The following RGS6 variants were observed in gnomAD, a reference collection of about 807,000 sequenced individuals.
The protein encoded by RGS6 is regulator of G protein signaling 6.
A neutral mutation model predicts 78.5 loss-of-function variants in RGS6; 30 were observed. That is an observed-to-expected ratio of 0.38 (90% confidence interval 0.29 to 0.52). The LOEUF (loss-of-function observed/expected upper bound fraction) is 0.52. RGS6 is among the 20% of genes least tolerant of loss of function. The pLI is 0.85. For synonymous variants in RGS6, 206 were observed against 206.0 expected, an observed-to-expected ratio of 1.00 and a Z score of 0.00; for missense variants, 495 against 609.7, an observed-to-expected ratio of 0.81 and a Z score of 1.98.
intron 3 of RGS6, among the ~76,000 whole-genome samples, chr14:72,369,248 A>G (rs1224521615): frequency 6.6e-6 from 1 of 152,216 alleles, no homozygotes; most frequent in African/African-American, 2.4e-5. Context: ...TAGTATAGAA[A>G]GAAGAGGAGA....
chr14:72,137,775 A>G (rs1420719459), intron 2 of RGS6, among the ~76,000 whole-genome samples: 1 of 152,210 alleles, frequency 6.6e-6, no homozygotes, highest in East Asian at 1.9e-4. Context: ...GATGACATGC[A>G]TGTGTTTTTG....
At chr14:72,447,007 G>T (rs936590740) in intron 3 of RGS6, among the ~76,000 whole-genome samples, 2 of 152,116 alleles carry the variant, frequency 1.3e-5, no homozygotes, top group African/African-American at 4.8e-5. Flanking sequence ...ACCATTACCT[G>T]TTGGGAGGCT....
chr14:71,971,916 T>G (rs957287266), intron 2 of RGS6, among the ~76,000 whole-genome samples: 62 of 147,588 alleles, frequency 4.2e-4, no homozygotes, highest in East Asian at 3.1e-3. Flanking sequence ...GTTTTTTTTT[T>G]TTTTTTTTTT....
intron 2 of RGS6, among the ~76,000 whole-genome samples, chr14:72,234,069 A>C (rs940137154): frequency 6.6e-6 from 1 of 152,140 alleles, no homozygotes; most frequent in African/African-American, 2.4e-5. Flanking sequence ...GGGAGAGTCA[A>C]ATTCTTAGAG....
intron 2 of RGS6, among the ~76,000 whole-genome samples, chr14:72,285,491 T>G (rs939940211): frequency 1.3e-5 from 2 of 152,214 alleles, no homozygotes; most frequent in African/African-American, 2.4e-5. Flanking sequence ...ACCGTCATCA[T>G]GTGGAACTGT....
At chr14:72,512,496 G>A (rs1359435866) in intron 14 of RGS6, among the ~76,000 whole-genome samples, 2 of 152,174 alleles carry the variant, frequency 1.3e-5, no homozygotes, top group Non-Finnish European at 2.9e-5. Context: ...ATGCCAGGAG[G>A]GCTACATTTA....
At chr14:72,576,619 A>G in the RGS6 span, among the ~76,000 whole-genome samples, 1 of 152,214 alleles carries the variant, frequency 6.6e-6, no homozygotes, top group Non-Finnish European at 1.5e-5. Context: ...TTGTTTTGTG[A>G]TAACAGACAT....
At chr14:72,283,830 C>T (rs1444300281) in intron 2 of RGS6, among the ~76,000 whole-genome samples, 4 of 152,214 alleles carry the variant, frequency 2.6e-5, no homozygotes, top group East Asian at 1.9e-4. Flanking sequence ...CAGAAGAAGA[C>T]AGGAAAATGT....
intron 2 of RGS6, among the ~76,000 whole-genome samples, chr14:72,327,920 G>T (rs1166425550): frequency 1.3e-5 from 2 of 151,606 alleles, no homozygotes; most frequent in South Asian, 2.1e-4. Flanking sequence ...TAGATATATA[G>T]ATATATATAT....
At chr14:72,513,647 T>C (rs2096906088) in intron 14 of RGS6, among the ~76,000 whole-genome samples, 1 of 152,202 alleles carries the variant, frequency 6.6e-6, no homozygotes, top group Non-Finnish European at 1.5e-5. Flanking sequence ...CTCATCCTTC[T>C]TCCTGCTTTG....
intron 15 of RGS6, among the ~76,000 whole-genome samples, chr14:72,532,780 C>T (rs1408722621): frequency 6.6e-6 from 1 of 152,212 alleles, no homozygotes; most frequent in Non-Finnish European, 1.5e-5. Context: ...CAAGGACCTA[C>T]CTTGCTTCAA....
Position 72,540,039 on chromosome 14 carries a change from A to C in RGS6, c.1369-2A>C. On this transcript the variant is annotated splice_acceptor_variant, in intron 16 of 17. Transcript: ENST00000553525. LOFTEE classifies it high-confidence loss of function. ...CCCTACCCTTTTTTTTTTTTCCTAA[A>C]GCCAGAAAGTGAGCAAGGTCGTAGA... is the stretch of plus-strand genomic sequence containing the variant. 6.4e-7 allele frequency: 1 copy of C among 1,564,698 alleles called. No homozygotes were observed. The highest frequency in any genetic ancestry group is 1.2e-5 in the South Asian group (1 of 83,614).
At chr14:72,515,333 CAAAG>C (rs1567029382) in intron 14 of RGS6, among the ~76,000 whole-genome samples, 2 of 151,606 alleles carry the variant, frequency 1.3e-5, no homozygotes, top group South Asian at 4.2e-4. Flanking sequence ...TTTTATGTGA[CAAAG>C]AAAACCTTTT....
chr14:72,505,433 A>C (rs7150695), intron 13 of RGS6, among the ~76,000 whole-genome samples: 2 of 152,114 alleles, frequency 1.3e-5, no homozygotes, highest in Non-Finnish European at 2.9e-5. Flanking sequence ...TACTAATCCC[A>C]CTCATGACCT....
intron 2 of RGS6, among the ~76,000 whole-genome samples, chr14:72,149,881 T>C (rs2096659593): frequency 1.3e-5 from 2 of 152,172 alleles, no homozygotes; most frequent in South Asian, 4.1e-4. Flanking sequence ...CCTGTATGGT[T>C]CCCTTCGGAG....
At chr14:72,449,745 G>A (rs1437200264) in intron 3 of RGS6, among the ~76,000 whole-genome samples, 1 of 152,188 alleles carries the variant, frequency 6.6e-6, no homozygotes. Flanking sequence ...ATAAAGGGTC[G>A]CTCTGAGGCT....
chr14:72,194,095 T>C (rs984921362), intron 2 of RGS6, among the ~76,000 whole-genome samples: 1 of 151,924 alleles, frequency 6.6e-6, no homozygotes, highest in African/African-American at 2.4e-5. Context: ...AAGTAAAAGA[T>C]GGAGGTGACT....
In RGS6 at chr14:72,377,565, A is replaced by G. The variant is rs2085067971; in HGVS notation, c.184+25371A>G. The stretch of plus-strand genomic sequence containing the variant: ...AAATAATATAAACCTAACGACATTT[A>G]CAGAATATTTCACCCAATAGCTGCA... On this transcript the variant is annotated intron_variant, in intron 3 of 17. Coordinates refer to ENST00000553525, the MANE Select transcript of RGS6 (RefSeq NM_001204424.2). Among the ~76,000 whole-genome samples the G allele has an allele frequency of 2.0e-5, 3 of 152,358 alleles. No homozygotes were observed. In the South Asian group the frequency reaches 6.2e-4, roughly 32 times the overall value.
At chr14:72,238,621 G>A (rs1456471131) in intron 2 of RGS6, among the ~76,000 whole-genome samples, 1 of 152,084 alleles carries the variant, frequency 6.6e-6, no homozygotes, top group Admixed American at 6.5e-5. Flanking sequence ...TATATATTGA[G>A]GTGAGGGGAG....
Sources: gnomAD v4.1 joint callset for allele counts (sites outside exome capture counted in the v4.1 genomes callset) on GRCh38, gnomAD v4.1.1 for gene constraint, MANE v1.5 for transcripts, NCBI Gene and HGNC (gene_info 2026-07-23, HGNC 2026-07-21) for gene names.